FNDC3B: variants seen among roughly 807,000 people sequenced by gnomAD.
FNDC3B encodes fibronectin type III domain-containing protein 3B.
FNDC3B carries 12 observed loss-of-function variants against 151.5 expected under a neutral mutation model. The ratio of observed to expected loss-of-function variants is 0.08; its 90% CI spans 0.05 to 0.13. The LOEUF is 0.13. Among genes scored for constraint, FNDC3B ranks in the 10% least tolerant of loss-of-function variants. FNDC3B has a pLI of 1.00. For synonymous variants in FNDC3B, 528 were observed against 549.0 expected (o/e 0.96, Z 0.54); for missense variants, 1,214 against 1,505.3 (o/e 0.81, Z 3.20).
chr3:172,104,862 G>A (rs1719564883), intron 1 of FNDC3B, among the ~76,000 whole-genome samples: 1 of 152,176 alleles, frequency 6.6e-6, no homozygotes, highest in African/African-American at 2.4e-5. Flanking sequence ...TGCTGTTGGT[G>A]TTTCCATGGT....
chr3:172,090,689 G>A (rs1055840197), intron 1 of FNDC3B, among the ~76,000 whole-genome samples: 3 of 152,142 alleles, frequency 2.0e-5, no homozygotes, highest in South Asian at 4.1e-4. Context: ...GGGTACTGAA[G>A]ATAATACAGA....
Position 172,397,546 on chromosome 3 carries a change from T to G in FNDC3B, c.*71T>G. 1.0e-6 allele frequency: 1 copy of G among 978,558 alleles called. No homozygotes were observed. Among genetic ancestry groups the G allele is most frequent in the South Asian group, 1.7e-5 (1 of 57,668 alleles). 60.6% of individuals were successfully genotyped at this position (978,558 alleles called of 1,614,324 possible). ...CACACATTTATTCAGATACTCCCCT[T>G]TTTAAAGCCCTTTTGTTTTTTGATT... On this transcript the variant is annotated 3_prime_UTR_variant, in exon 26 of 26. Coordinates refer to ENST00000415807, the MANE Select transcript of FNDC3B (RefSeq NM_022763.4).
intron 3 of FNDC3B, chr3:172,134,359 A>G (rs774693231): frequency 4.4e-5 from 23 of 518,234 alleles, no homozygotes; most frequent in South Asian, 2.2e-4. Context: ...TAAACACTGT[A>G]GTGTTAAAAG....
intron 6 of FNDC3B, among the ~76,000 whole-genome samples, 191 bp downstream of exon 6, chr3:172,251,732 C>T (rs887826557): frequency 6.6e-6 from 1 of 152,152 alleles, no homozygotes; most frequent in Admixed American, 6.5e-5. Context: ...TTTATTAATA[C>T]TTCATGGCAG....
intron 11 of FNDC3B, among the ~76,000 whole-genome samples, chr3:172,325,663 C>T (rs771792959): frequency 6.6e-6 from 1 of 152,164 alleles, no homozygotes; most frequent in South Asian, 2.1e-4. Flanking sequence ...GCTCCAGAGC[C>T]GTCGGAGAGC....
chr3:172,080,196 C>T (rs1409518651), intron 1 of FNDC3B, among the ~76,000 whole-genome samples: 2 of 152,118 alleles, frequency 1.3e-5, no homozygotes, highest in Non-Finnish European at 2.9e-5. Flanking sequence ...ATTTTTGAAA[C>T]TGAGTGTGGT....
intron 1 of FNDC3B, among the ~76,000 whole-genome samples, chr3:172,080,418 G>A (rs1208985651): frequency 6.6e-6 from 1 of 151,318 alleles, no homozygotes; most frequent in African/African-American, 2.4e-5. Context: ...CTGTAAGTAT[G>A]TATTACCATG....
At chr3:172,331,958 T>A (rs1189593083) in intron 13 of FNDC3B, among the ~76,000 whole-genome samples, 1 of 152,104 alleles carries the variant, frequency 6.6e-6, no homozygotes, top group Non-Finnish European at 1.5e-5. Flanking sequence ...TGGCCTATAG[T>A]ATGGAGGGTT....
At chr3:172,367,638 G>A (rs764327128) in intron 23 of FNDC3B, among the ~76,000 whole-genome samples, 1 of 152,208 alleles carries the variant, frequency 6.6e-6, no homozygotes, top group East Asian at 1.9e-4. Flanking sequence ...TTGAAGATGC[G>A]TTTATCTGTG....
chr3:172,299,867 G>A (rs143627297), intron 9 of FNDC3B, among the ~76,000 whole-genome samples: 1 of 152,004 alleles, frequency 6.6e-6, no homozygotes, highest in South Asian at 2.1e-4. Flanking sequence ...CACATAGAAC[G>A]CTCTGCCATG....
Position 172,247,730 on chromosome 3 carries a change from G to GT in FNDC3B, c.468dup (p.Pro157SerfsTer12), listed in dbSNP as rs35770108. On this transcript the variant is annotated frameshift_variant, in exon 5 of 26. Transcript: ENST00000415807. LOFTEE classifies it high-confidence loss of function. ...CCGGACCTGGAGATATGCCGCCTCA[G>GT]TTTTTTCCCCAGCATCATCTTCCCC... 1 of 1,614,084 alleles carries GT rather than the reference G, an allele frequency of 6.2e-7. No individual in the cohort carries two copies. Among genetic ancestry groups the GT allele is most frequent in the Non-Finnish European group, 8.5e-7 (1 of 1,180,018 alleles).
chr3:172,131,194 C>T (rs956946841), intron 2 of FNDC3B, among the ~76,000 whole-genome samples: 4 of 152,152 alleles, frequency 2.6e-5, no homozygotes, highest in East Asian at 3.9e-4. Flanking sequence ...GTCAGGAGTT[C>T]GAGACCAGCT....
Position 172,382,232 on chromosome 3 carries a change from G to C in FNDC3B, c.3303+1139G>C, listed in dbSNP as rs550247085. ...TTTCTCTAATGACAAGTGATGACGA[G>C]CTTTTTTTCATATGTTTGTTGGCCA... On this transcript the variant is annotated intron_variant, in intron 25 of 25. Coordinates refer to ENST00000415807, the MANE Select transcript of FNDC3B (RefSeq NM_022763.4). Among the ~76,000 whole-genome samples the C allele has an allele frequency of 5.3e-5, 8 of 152,312 alleles. 1 individual carries two copies. The East Asian group carries it at 1.3e-3, about 26-fold the overall frequency.
intron 11 of FNDC3B, among the ~76,000 whole-genome samples, chr3:172,327,423 C>T (rs989238874): frequency 3.3e-5 from 5 of 152,054 alleles, no homozygotes; most frequent in African/African-American, 1.2e-4. Context: ...GGCAGGAGGA[C>T]GGAATCTCAC....
intron 3 of FNDC3B, among the ~76,000 whole-genome samples, chr3:172,219,972 A>G (rs1385161593): frequency 6.6e-6 from 1 of 152,214 alleles, no homozygotes; most frequent in African/African-American, 2.4e-5. Context: ...TCTTGGATAT[A>G]TTACTTTCAA....
At chr3:172,167,393 C>CA (rs1301111846) in intron 3 of FNDC3B, among the ~76,000 whole-genome samples, 2 of 152,204 alleles carry the variant, frequency 1.3e-5, no homozygotes, top group African/African-American at 2.4e-5. Context: ...GAGACTGTCT[C>CA]AAAAAGAATA....
intron 3 of FNDC3B, among the ~76,000 whole-genome samples, chr3:172,193,990 G>A (rs1472964532): frequency 1.3e-5 from 2 of 152,116 alleles, no homozygotes; most frequent in Non-Finnish European, 2.9e-5. Context: ...GGAGGCTGAG[G>A]CGGGCGGATC....
intron 4 of FNDC3B, among the ~76,000 whole-genome samples, chr3:172,233,519 G>A (rs984201145): frequency 6.6e-6 from 1 of 152,190 alleles, no homozygotes; most frequent in Non-Finnish European, 1.5e-5. Flanking sequence ...GAGCTGGCCA[G>A]AAAGCAGACA....
intron 23 of FNDC3B, among the ~76,000 whole-genome samples, chr3:172,371,297 A>G (rs146186434): frequency 6.6e-6 from 1 of 152,226 alleles, no homozygotes; most frequent in East Asian, 1.9e-4. Context: ...TAATAAGAAC[A>G]AAAAAAGCAG....
Sources: allele counts gnomAD v4.1 joint callset (sites outside exome capture counted in the v4.1 genomes callset), GRCh38; gene constraint gnomAD v4.1.1; transcripts MANE v1.5; gene names NCBI Gene and HGNC (gene_info 2026-07-23, HGNC 2026-07-21).